Variants in POC1A observed in about 807,000 individuals in gnomAD.
POC1A encodes POC1 centriolar protein homolog A.
A neutral mutation model predicts 47.8 loss-of-function variants in POC1A; 34 were observed. The observed-to-expected ratio is 0.71, with a 90% CI of 0.54 to 0.95. The LOEUF is 0.95. Ranked by LOEUF, POC1A falls within the 40% of genes least tolerant of loss-of-function variation. POC1A has a pLI of 0.00. For synonymous variants in POC1A, 177 were observed against 207.6 expected, an observed-to-expected ratio of 0.85 and a Z score of 1.27; for missense variants, 466 against 528.3, an observed-to-expected ratio of 0.88 and a Z score of 1.16.
At chr3:52,097,733 GGA>G (rs1056587562) in intron 9 of POC1A, among the ~76,000 whole-genome samples, 44 of 152,238 alleles carry the variant, frequency 2.9e-4, no homozygotes, top group Admixed American at 6.5e-4. Context: ...GGTAGCTACA[GGA>G]GAACTTGAAT....
At chr3:52,122,222 C>T (rs1703805876) in intron 9 of POC1A, among the ~76,000 whole-genome samples, 157 bp downstream of exon 9, 1 of 152,248 alleles carries the variant, frequency 6.6e-6, no homozygotes, top group African/African-American at 2.4e-5. Flanking sequence ...AGCACCACAA[C>T]TTCCAAAGTA....
chr3:52,075,963 C>CG lies in POC1A; in HGVS notation c.1147dup (p.Arg383ProfsTer53). ...CAGCTTGTCTTCTGTCAGTGTCAAC[C>CG]GCTGCTCCAGAATGGAGACTGTCTG... On this transcript the variant is annotated frameshift_variant, in exon 11 of 11. Transcript: ENST00000296484. LOFTEE classifies it high-confidence loss of function. The CG allele has an allele frequency of 6.2e-7, 1 of 1,613,846 alleles. No homozygotes were observed.
At chr3:52,110,434 G>A (rs1417404746) in intron 9 of POC1A, among the ~76,000 whole-genome samples, 1 of 152,176 alleles carries the variant, frequency 6.6e-6, no homozygotes, top group Non-Finnish European at 1.5e-5. Context: ...AGACTTAAGC[G>A]ACAGGTTTAT....
Position 52,075,739 on chromosome 3 carries a change from G to A in POC1A, c.*148C>T. 9.0e-6 allele frequency: 6 copies of A among 669,920 alleles called. No homozygotes were observed. The highest frequency in any genetic ancestry group is 1.6e-5 in the Non-Finnish European group (6 of 365,042). 41.5% of individuals were successfully genotyped at this position (669,920 alleles called of 1,614,324 possible). A position where few individuals can be genotyped will look rare whatever the true frequency, so the allele number is the denominator to read the frequency against. ...AGAGCCTCCTGGTGCAGATAGCAAG[G>A]TGGAGGGCAGAACTGCAAAAATCCA... On this transcript the variant is annotated 3_prime_UTR_variant, in exon 11 of 11. Coordinates refer to ENST00000296484, the MANE Select transcript of POC1A (RefSeq NM_015426.5).
chr3:52,151,246 C>T lies in POC1A; in HGVS notation c.19-146G>A, dbSNP rs376450356. On this transcript the variant is annotated intron_variant, in intron 1 of 10. Transcript: ENST00000296484. ...TATAAAGAAAATCCTAAGGAATCCA[C>T]TTAGGATTAGTTTTTACTAGGAATA... The T allele has an allele frequency of 2.0e-5, 24 of 1,204,202 alleles. No individual in the cohort carries two copies. In the African/African-American group the frequency reaches 3.2e-4, roughly 16 times the overall value. The allele number at this position is 1,204,202 out of a possible 1,614,324, so 74.6% of individuals were successfully genotyped here. A position where few individuals can be genotyped will look rare whatever the true frequency, so the allele number is the denominator to read the frequency against.
intron 9 of POC1A, 78 bp from the exon 10 acceptor site, chr3:52,096,790 G>C (rs1702832231): frequency 1.5e-6 from 2 of 1,300,686 alleles, no homozygotes; most frequent in Non-Finnish European, 1.0e-6. Flanking sequence ...CCCCTCCAAA[G>C]GATGAAAGGG....
At position 52,154,419 on chromosome 3, in the gene POC1A, C is replaced by A. The variant is rs1440092727; in HGVS notation, c.-47G>T. ...GGCAGCTGCGGTGGCCGTTGCGGCC[C>A]GTTCAGTTTCCGCGCCCCCAACGGC... On this transcript the variant is annotated 5_prime_UTR_variant, in exon 1 of 11. Coordinates refer to ENST00000296484, the MANE Select transcript of POC1A (RefSeq NM_015426.5). The A allele has an allele frequency of 2.1e-6, 3 of 1,403,180 alleles. No homozygotes were observed. The highest frequency in any genetic ancestry group is 1.8e-6 in the Non-Finnish European group (2 of 1,082,476). 86.9% of individuals were successfully genotyped at this position (1,403,180 alleles called of 1,614,324 possible).
At chr3:52,139,702 G>A (rs887283044) in intron 6 of POC1A, among the ~76,000 whole-genome samples, 12 of 152,188 alleles carry the variant, frequency 7.9e-5, no homozygotes, top group African/African-American at 2.9e-4. Context: ...CCATCAGGCA[G>A]GGGTGGTAAG....
At position 52,142,029 on chromosome 3, in the gene POC1A, G is replaced by A. The variant is rs113431186; in HGVS notation, c.680-3727C>T. On this transcript the variant is annotated intron_variant, in intron 6 of 10. Transcript: ENST00000296484. ...TAGAGTCACCGAAGTGCAAGGAACC[G>A]AGCGTGAGCCTGTCAACAGAATGCC... Among the ~76,000 whole-genome samples, 39 of 152,290 alleles carry A rather than the reference G, an allele frequency of 2.6e-4. 1 individual carries two copies. The highest frequency in any genetic ancestry group is 7.7e-4 in the African/African-American group (32 of 41,564).
intron 10 of POC1A, among the ~76,000 whole-genome samples, chr3:52,092,791 A>C (rs371335729): frequency 5.3e-5 from 8 of 152,258 alleles, no homozygotes; most frequent in Middle Eastern, 3.2e-3. Context: ...TTCATAAAAA[A>C]GTAAAACACC....
At chr3:52,137,551 G>T (rs1404680874) in intron 7 of POC1A, among the ~76,000 whole-genome samples, 1 of 152,012 alleles carries the variant, frequency 6.6e-6, no homozygotes, top group Non-Finnish European at 1.5e-5. Context: ...GATGTGAAAG[G>T]CCCGGACCCA....
At chr3:52,085,671 C>T (rs558153936) in intron 10 of POC1A, among the ~76,000 whole-genome samples, 23 of 152,306 alleles carry the variant, frequency 1.5e-4, no homozygotes, top group Middle Eastern at 3.4e-3. Context: ...CTTGGTCCCA[C>T]GTGGTAAGCA....
chr3:52,100,824 G>C (rs1219604991), intron 9 of POC1A, among the ~76,000 whole-genome samples: 7 of 152,100 alleles, frequency 4.6e-5, no homozygotes, highest in African/African-American at 1.7e-4. Flanking sequence ...TAGGAGAGGA[G>C]AGTGAGTAAG....
chr3:52,108,757 A>T (rs1334852872), intron 9 of POC1A, among the ~76,000 whole-genome samples: 1 of 152,186 alleles, frequency 6.6e-6, no homozygotes, highest in Admixed American at 6.5e-5. Context: ...CCCAGGGAGG[A>T]GTTGCAGAAG....
intron 6 of POC1A, among the ~76,000 whole-genome samples, chr3:52,143,112 G>C (rs2107179514): frequency 6.8e-6 from 1 of 146,686 alleles, no homozygotes; most frequent in South Asian, 2.2e-4. Flanking sequence ...ATCCTGCTAA[G>C]CCTCCAATCT....
intron 5 of POC1A, among the ~76,000 whole-genome samples, chr3:52,146,273 G>A (rs1177772887): frequency 6.6e-6 from 1 of 152,262 alleles, no homozygotes; most frequent in South Asian, 2.1e-4. Context: ...GATTTTCAAA[G>A]TTGGAGCTGG....
chr3:52,150,976 A>G, intron 2 of POC1A, 40 bp downstream of exon 2: 1 of 1,606,468 alleles, frequency 6.2e-7, no homozygotes, highest in East Asian at 2.2e-5. Context: ...TGGCCTGTTC[A>G]GCTCATAACC....
chr3:52,149,442 C>T (rs1294947412), intron 3 of POC1A, 53 bp from the exon 4 acceptor site: 7 of 1,537,980 alleles, frequency 4.6e-6, no homozygotes, highest in Admixed American at 1.7e-5. Context: ...GACATGAGAG[C>T]CCACAAGCAC....
chr3:52,113,991 G>A (rs1355862298), intron 9 of POC1A, among the ~76,000 whole-genome samples: 1 of 152,212 alleles, frequency 6.6e-6, no homozygotes, highest in African/African-American at 2.4e-5. Flanking sequence ...ATGCACAAAG[G>A]ATGCAATGCA....
Sources: gnomAD v4.1 joint callset for allele counts (sites outside exome capture counted in the v4.1 genomes callset) on GRCh38, gnomAD v4.1.1 for gene constraint, MANE v1.5 for transcripts, NCBI Gene and HGNC (gene_info 2026-07-23, HGNC 2026-07-21) for gene names.